The following FANCB variants were observed in gnomAD, a reference collection of about 807,000 sequenced individuals.
FANCB encodes the protein Fanconi anemia group B protein.
Under a neutral mutation model 38.9 loss-of-function variants are expected in FANCB, and 5 were observed. The ratio of observed to expected loss-of-function variants is 0.13; its 90% CI spans 0.07 to 0.27. The LOEUF is 0.27. Among genes scored for constraint, FANCB ranks in the 10% least tolerant of loss-of-function variants. FANCB has a pLI of 1.00. For missense variants in FANCB, 573 were observed against 602.7 expected (o/e 0.95, Z 0.52); for synonymous variants, 236 against 215.4 (o/e 1.10, Z -0.84).
the FANCB span, among the ~76,000 whole-genome samples, chrX:14,718,923 G>A: frequency 3.6e-5 from 4 of 111,549 alleles, no homozygotes; most frequent in Non-Finnish European, 5.7e-5. Context: ...CAAAGGGAGG[G>A]GACATAGACC....
chrX:14,747,777 C>T, the FANCB span, among the ~76,000 whole-genome samples: 2 of 112,152 alleles, frequency 1.8e-5, no homozygotes, highest in Non-Finnish European at 3.8e-5. Context: ...ATGTTTTAAG[C>T]ATTTATCTCA....
the FANCB span, among the ~76,000 whole-genome samples, chrX:14,740,435 C>T: frequency 1.3e-4 from 15 of 111,625 alleles, no homozygotes; most frequent in African/African-American, 4.9e-4. Context: ...CTTACCAGTG[C>T]TTAAACATGC....
chrX:14,806,588 A>G, the FANCB span, among the ~76,000 whole-genome samples: 30 of 111,549 alleles, frequency 2.7e-4, no homozygotes, highest in African/African-American at 9.8e-4. Context: ...CTAAACAGAC[A>G]TGTTAGCCAG....
chrX:14,861,852 AT>A (rs58502407), intron 3 of FANCB, among the ~76,000 whole-genome samples: 3,682 of 106,029 alleles, frequency 0.035, 137 homozygotes, highest in African/African-American at 0.1. Flanking sequence ...TTTTAAATTA[AT>A]TTTTTTTTTT....
At chrX:14,840,843 G>A (rs1470598031), downstream of FANCB, among the ~76,000 whole-genome samples, 1 of 111,816 alleles carries the variant, frequency 8.9e-6, no homozygotes. Context: ...TTGCTCACAG[G>A]TGTAGCAAAG....
chrX:14,871,640 G>A (rs756856281), intron 1 of FANCB, among the ~76,000 whole-genome samples: 1,664 of 73,476 alleles, frequency 0.023, 12 homozygotes, highest in Non-Finnish European at 0.027. Flanking sequence ...GTGTGTGTGT[G>A]TATATATATA....
the FANCB span, among the ~76,000 whole-genome samples, chrX:14,758,573 G>A: frequency 6.1e-4 from 68 of 111,973 alleles, 1 homozygote; most frequent in African/African-American, 7.8e-4. Context: ...CCCCAGTACC[G>A]ACCTGGAGCC....
chrX:14,724,270 C>A, the FANCB span, among the ~76,000 whole-genome samples: 1 of 111,225 alleles, frequency 9.0e-6, no homozygotes, highest in African/African-American at 3.3e-5. Flanking sequence ...TATTCTTGTT[C>A]ATTGCTGTAA....
At chrX:14,835,438 C>G (rs2092338699), downstream of FANCB, 2 of 319,672 alleles carry the variant, frequency 6.3e-6, 1 homozygote, top group South Asian at 6.8e-5. Context: ...TTATATACAA[C>G]TGTGGCTGAG....
the FANCB span, among the ~76,000 whole-genome samples, chrX:14,711,774 G>A: frequency 1.8e-5 from 2 of 112,577 alleles, no homozygotes; most frequent in Admixed American, 9.4e-5. Context: ...ATGGTTAGTG[G>A]CAGAGCCAAG....
chrX:14,783,211 T>A, the FANCB span, among the ~76,000 whole-genome samples: 1 of 112,414 alleles, frequency 8.9e-6, no homozygotes, highest in Non-Finnish European at 1.9e-5. Flanking sequence ...AAAATCTAAC[T>A]CAGACTTTGA....
the FANCB span, among the ~76,000 whole-genome samples, chrX:14,744,012 A>G: frequency 8.9e-6 from 1 of 111,846 alleles, no homozygotes; most frequent in Non-Finnish European, 1.9e-5. Context: ...CCTATTTCCA[A>G]GTAAGGTCAC....
downstream of FANCB, among the ~76,000 whole-genome samples, chrX:14,838,709 G>A (rs1178684760): frequency 8.9e-6 from 1 of 111,785 alleles, no homozygotes; most frequent in East Asian, 2.8e-4. Flanking sequence ...TTTTAATGAG[G>A]TTAGAATGAA....
At chrX:14,781,554 C>T in the FANCB span, among the ~76,000 whole-genome samples, 1 of 111,952 alleles carries the variant, frequency 8.9e-6, no homozygotes, top group Admixed American at 9.5e-5. Flanking sequence ...CTACTGAATA[C>T]AGTCCCTTCA....
At chrX:14,749,281 A>C in the FANCB span, among the ~76,000 whole-genome samples, 4 of 111,690 alleles carry the variant, frequency 3.6e-5, no homozygotes, top group Admixed American at 3.8e-4. Flanking sequence ...GGTGGGCAGG[A>C]AATGTGGCAG....
the FANCB span, among the ~76,000 whole-genome samples, chrX:14,721,641 C>T: frequency 5.4e-4 from 60 of 111,357 alleles, no homozygotes; most frequent in African/African-American, 1.9e-3. Flanking sequence ...AACAAAGAAT[C>T]GTACAGTCCC....
chrX:14,764,073 C>A, the FANCB span, among the ~76,000 whole-genome samples: 1 of 111,740 alleles, frequency 8.9e-6, no homozygotes, highest in Admixed American at 9.5e-5. Context: ...CAGCTTTATA[C>A]AGCACATATT....
the FANCB span, among the ~76,000 whole-genome samples, chrX:14,746,944 A>G: frequency 4.5e-5 from 5 of 111,656 alleles, no homozygotes; most frequent in African/African-American, 1.6e-4. Flanking sequence ...AAGAATTGGA[A>G]CATTACATGG....
chrX:14,812,317 A>G, the FANCB span, among the ~76,000 whole-genome samples: 8 of 110,700 alleles, frequency 7.2e-5, no homozygotes, highest in African/African-American at 2.6e-4. Context: ...CTAAAATCAG[A>G]GCAGAACTGA....
Sources: gnomAD v4.1 joint callset for allele counts (sites outside exome capture counted in the v4.1 genomes callset) on GRCh38, gnomAD v4.1.1 for gene constraint, MANE v1.5 for transcripts, NCBI Gene and HGNC (gene_info 2026-07-23, HGNC 2026-07-21) for gene names.